CEP63: variants seen among roughly 807,000 people sequenced by gnomAD.
CEP63 encodes centrosomal protein 63, also known as centrosomal protein of 63 kDa.
A neutral mutation model predicts 89.1 loss-of-function variants in CEP63; 84 were observed. That is an observed-to-expected ratio of 0.94 (90% CI 0.79 to 1.13). CEP63 has a LOEUF of 1.13. Among genes scored for constraint, CEP63 ranks in the 50% most tolerant of loss-of-function variants. The probability of loss-of-function intolerance (pLI) is 0.00; values close to 1 mark genes in which losing one functional copy is unlikely to be tolerated. For synonymous variants in CEP63, 267 were observed against 272.5 expected (o/e 0.98, Z 0.20); for missense variants, 838 against 813.3 (o/e 1.03, Z -0.37).
At chr3:134,634,986 T>C in the CEP63 span, among the ~76,000 whole-genome samples, 1 of 152,388 alleles carries the variant, frequency 6.6e-6, no homozygotes, top group Middle Eastern at 3.4e-3. Context: ...GAAAATAGTT[T>C]GGCAGTTTCT....
chr3:134,773,593 A>T, the CEP63 span, among the ~76,000 whole-genome samples: 1 of 152,204 alleles, frequency 6.6e-6, no homozygotes, highest in African/African-American at 2.4e-5. Flanking sequence ...CAGAATAAAG[A>T]GGACACAGAA....
intron 10 of CEP63, among the ~76,000 whole-genome samples, chr3:134,585,398 C>A (rs1357411415): frequency 6.6e-6 from 1 of 152,150 alleles, no homozygotes; most frequent in African/African-American, 2.4e-5. Context: ...TCTTTGTTCT[C>A]ATTGGTTTCA....
chr3:134,658,440 T>C, the CEP63 span, among the ~76,000 whole-genome samples: 5 of 152,198 alleles, frequency 3.3e-5, no homozygotes, highest in African/African-American at 1.2e-4. Flanking sequence ...AGAGTCATGG[T>C]CATAGCTTTG....
the CEP63 span, among the ~76,000 whole-genome samples, chr3:134,709,946 G>T: frequency 0.88 from 134,153 of 152,262 alleles, 60,500 homozygotes; most frequent in East Asian, 1. Context: ...TTTGAACAGA[G>T]TCTTTTCACT....
the CEP63 span, among the ~76,000 whole-genome samples, chr3:134,694,748 C>G: frequency 6.6e-6 from 1 of 152,216 alleles, no homozygotes; most frequent in Non-Finnish European, 1.5e-5. Context: ...CCCTTCATTT[C>G]TTTCACTGAG....
downstream of CEP63, among the ~76,000 whole-genome samples, chr3:134,590,186 G>A (rs1958572724): frequency 6.6e-6 from 1 of 151,972 alleles, no homozygotes; most frequent in Admixed American, 6.6e-5. Context: ...AAACCACCAT[G>A]ACACTCAATT....
In CEP63 at chr3:134,564,848, C is replaced by T. The variant is rs553210516; in HGVS notation, c.*3313C>T. Reference sequence around the variant, plus strand: ...GAACAATGACAGACTCTGTAGTCACCGGAAATACTTAAGGAATCATGAGGT... The same window carrying T: ...GAACAATGACAGACTCTGTAGTCACTGGAAATACTTAAGGAATCATGAGGT... On this transcript the variant is annotated 3_prime_UTR_variant, in exon 15 of 15. Transcript: ENST00000675561. 5.8e-5 allele frequency: 57 copies of T among 985,162 alleles called. No homozygotes were observed. Among genetic ancestry groups the T allele is most frequent in the South Asian group, 1.4e-4 (3 of 21,270 alleles). 61.0% of individuals were successfully genotyped at this position (985,162 alleles called of 1,614,324 possible).
chr3:134,670,454 T>C, the CEP63 span, among the ~76,000 whole-genome samples: 1 of 152,190 alleles, frequency 6.6e-6, no homozygotes, highest in African/African-American at 2.4e-5. Context: ...TGGGGATCAA[T>C]GGAGAAAATA....
At chr3:134,779,296 A>G in the CEP63 span, among the ~76,000 whole-genome samples, 4 of 152,208 alleles carry the variant, frequency 2.6e-5, no homozygotes, top group African/African-American at 4.8e-5. Flanking sequence ...GATACTTTCC[A>G]ATTGTGCAGC....
At chr3:134,517,618 T>C (rs1367939897) in intron 3 of CEP63, among the ~76,000 whole-genome samples, 1 of 152,206 alleles carries the variant, frequency 6.6e-6, no homozygotes, top group Non-Finnish European at 1.5e-5. Context: ...GTCACAGGTG[T>C]GGTCTCTGAA....
At chr3:134,611,094 G>A in the CEP63 span, among the ~76,000 whole-genome samples, 4 of 152,216 alleles carry the variant, frequency 2.6e-5, no homozygotes, top group Non-Finnish European at 5.9e-5. Flanking sequence ...GGTGCATTAA[G>A]GTCATTTGCT....
At chr3:134,576,465 C>T (rs1003601257), downstream of CEP63, among the ~76,000 whole-genome samples, 6 of 152,206 alleles carry the variant, frequency 3.9e-5, no homozygotes, top group African/African-American at 1.4e-4. Flanking sequence ...AGTAACACAC[C>T]TGTGCCCTTA....
chr3:134,632,182 A>T, the CEP63 span, among the ~76,000 whole-genome samples: 3 of 152,098 alleles, frequency 2.0e-5, no homozygotes, highest in Non-Finnish European at 4.4e-5. Context: ...AGATTTTAAC[A>T]CTAATCTTTC....
intron 3 of CEP63, among the ~76,000 whole-genome samples, chr3:134,513,847 G>T (rs1945577933): frequency 6.6e-6 from 1 of 152,086 alleles, no homozygotes. Context: ...CATCTCCAAA[G>T]TGCTAGGGCT....
intron 6 of CEP63, among the ~76,000 whole-genome samples, chr3:134,538,566 T>TATATATATATATATATATGTATATATATA (rs1407833955): frequency 1.4e-5 from 2 of 144,042 alleles, no homozygotes; most frequent in Non-Finnish European, 3.0e-5. Context: ...TATATATATA[T>TATATATATATATATATATGTATATATATA]TTTTTTAACA....
chr3:134,615,836 T>A, the CEP63 span, among the ~76,000 whole-genome samples: 1 of 152,230 alleles, frequency 6.6e-6, no homozygotes, highest in African/African-American at 2.4e-5. Context: ...GGGGACATAC[T>A]GCTAACCAGA....
intron 10 of CEP63, among the ~76,000 whole-genome samples, chr3:134,583,242 G>A (rs1230262446): frequency 6.6e-6 from 1 of 152,158 alleles, no homozygotes; most frequent in Non-Finnish European, 1.5e-5. Flanking sequence ...TTTTAGACAT[G>A]AGGCCTTTGC....
At chr3:134,630,412 CT>C in the CEP63 span, among the ~76,000 whole-genome samples, 1 of 152,052 alleles carries the variant, frequency 6.6e-6, no homozygotes, top group Admixed American at 6.5e-5. Flanking sequence ...TGTTTTTTCT[CT>C]CTGTTTTCTG....
At chr3:134,718,019 T>C in the CEP63 span, among the ~76,000 whole-genome samples, 4 of 152,328 alleles carry the variant, frequency 2.6e-5, no homozygotes, top group African/African-American at 9.6e-5. Context: ...CTTTGGAGAA[T>C]CACCCCTCCT....
Sources: gnomAD v4.1 joint callset for allele counts (sites outside exome capture counted in the v4.1 genomes callset) on GRCh38, gnomAD v4.1.1 for gene constraint, MANE v1.5 for transcripts, NCBI Gene and HGNC (gene_info 2026-07-23, HGNC 2026-07-21) for gene names.